Variants in ARHGAP6 observed in about 807,000 individuals in gnomAD.
The protein encoded by ARHGAP6 is Rho GTPase activating protein 6.
ARHGAP6 carries 16 observed loss-of-function variants against 55.7 expected under a neutral mutation model. The ratio of observed to expected loss-of-function variants is 0.29; its 90% CI spans 0.19 to 0.44. The LOEUF (loss-of-function observed/expected upper bound fraction) is 0.44. ARHGAP6 is among the 20% of genes least tolerant of loss of function. The probability of loss-of-function intolerance (pLI) is 1.00; values close to 1 mark genes in which losing one functional copy is unlikely to be tolerated. For synonymous variants in ARHGAP6, 382 were observed against 360.9 expected (o/e 1.06, Z -0.66); for missense variants, 698 against 808.9 (o/e 0.86, Z 1.66).
chrX:11,610,757 A>G (rs1283179655), intron 1 of ARHGAP6, among the ~76,000 whole-genome samples: 1 of 111,748 alleles, frequency 8.9e-6, no homozygotes, highest in Non-Finnish European at 1.9e-5. Flanking sequence ...ATCACACTTA[A>G]TTTTAGAATA....
intron 1 of ARHGAP6, among the ~76,000 whole-genome samples, chrX:11,305,432 T>C (rs1437158390): frequency 8.9e-6 from 1 of 112,286 alleles, no homozygotes; most frequent in East Asian, 2.8e-4. Context: ...AGAATAGTTA[T>C]TTGCTTCTTC....
chrX:11,325,369 C>T (rs1263972826), intron 1 of ARHGAP6, among the ~76,000 whole-genome samples: 1 of 111,981 alleles, frequency 8.9e-6, no homozygotes, highest in Non-Finnish European at 1.9e-5. Flanking sequence ...ATAAGCATAT[C>T]AAGTGGGTGC....
intron 1 of ARHGAP6, among the ~76,000 whole-genome samples, chrX:11,459,246 G>A (rs1569352504): frequency 1.8e-5 from 2 of 111,541 alleles, no homozygotes; most frequent in Non-Finnish European, 3.8e-5. Context: ...CAACTACATC[G>A]ATTCTCATAG....
intron 1 of ARHGAP6, among the ~76,000 whole-genome samples, chrX:11,592,370 ATCCTTC>A (rs1371836943): frequency 8.9e-6 from 1 of 112,041 alleles, no homozygotes; most frequent in Non-Finnish European, 1.9e-5. Flanking sequence ...CCTAAGGTTG[ATCCTTC>A]AAGAAAGAGA....
chrX:11,167,323 T>C (rs1602762115), intron 9 of ARHGAP6, among the ~76,000 whole-genome samples: 2 of 110,376 alleles, frequency 1.8e-5, no homozygotes, highest in African/African-American at 3.3e-5. Context: ...GGAAAGGAAA[T>C]AGGGAGTGAT....
At chrX:11,353,116 G>C (rs768730465) in intron 1 of ARHGAP6, among the ~76,000 whole-genome samples, 1 of 111,625 alleles carries the variant, frequency 9.0e-6, no homozygotes, top group South Asian at 3.8e-4. Context: ...CATCTGTGTT[G>C]GTTGTGAAAA....
At chrX:11,610,839 C>T (rs66988401) in intron 1 of ARHGAP6, among the ~76,000 whole-genome samples, 15,627 of 111,394 alleles carry the variant, frequency 0.14, 1,007 homozygotes, top group Middle Eastern at 0.23. Flanking sequence ...TCCAACCTCT[C>T]CCCAGGCCCT....
intron 3 of ARHGAP6, among the ~76,000 whole-genome samples, chrX:11,196,129 G>A (rs1213064119): frequency 1.1e-5 from 1 of 89,514 alleles, no homozygotes; most frequent in African/African-American, 5.0e-5. Flanking sequence ...GCGAGACTCT[G>A]TCTCAAAAAA....
intron 8 of ARHGAP6, among the ~76,000 whole-genome samples, chrX:11,170,204 T>A (rs1365328360): frequency 8.9e-6 from 1 of 111,878 alleles, no homozygotes; most frequent in Non-Finnish European, 1.9e-5. Context: ...AGGTAATGAG[T>A]ACAAAGTATA....
chrX:11,187,037 A>C (rs749802354), intron 4 of ARHGAP6, among the ~76,000 whole-genome samples: 32 of 110,986 alleles, frequency 2.9e-4, no homozygotes, highest in African/African-American at 6.6e-4. Context: ...CTTTCTGGGG[A>C]GCTCTAGGAG....
intron 1 of ARHGAP6, among the ~76,000 whole-genome samples, chrX:11,338,748 TTCCC>T (rs2048669524): frequency 8.9e-6 from 1 of 112,215 alleles, no homozygotes; most frequent in Admixed American, 9.4e-5. Context: ...TTGGTAAAAA[TTCCC>T]AATGCTGCCA....
chrX:11,484,213 G>A lies in ARHGAP6; in HGVS notation c.588+180028C>T, dbSNP rs954865440. Among the ~76,000 whole-genome samples the A allele has an allele frequency of 4.5e-5, 5 of 110,825 alleles. No homozygotes were observed. In the East Asian group the frequency reaches 1.4e-3, roughly 32 times the overall value. On this transcript the variant is annotated intron_variant, in intron 1 of 12. Coordinates refer to ENST00000337414, the MANE Select transcript of ARHGAP6 (RefSeq NM_013427.3). ...ACTGGCTTCCCTTGAAAAGACTTTG[G>A]CATCTGATGCAGCTTTGCCCTGGTA...
At chrX:11,439,656 T>C (rs1241185467) in intron 1 of ARHGAP6, among the ~76,000 whole-genome samples, 3 of 112,587 alleles carry the variant, frequency 2.7e-5, no homozygotes, top group African/African-American at 9.7e-5. Flanking sequence ...TTGTTTCATT[T>C]ATAGTCTGGA....
chrX:11,420,399 T>C (rs1445026391), intron 1 of ARHGAP6, among the ~76,000 whole-genome samples: 1 of 112,027 alleles, frequency 8.9e-6, no homozygotes, highest in Non-Finnish European at 1.9e-5. Context: ...TTGTAAACAG[T>C]GGTCTCAGTC....
At chrX:11,651,339 T>G (rs1311094646) in intron 1 of ARHGAP6, among the ~76,000 whole-genome samples, 1 of 111,606 alleles carries the variant, frequency 9.0e-6, no homozygotes, top group Non-Finnish European at 1.9e-5. Flanking sequence ...CTTCTTTGTG[T>G]CCATGAGTTC....
In ARHGAP6 at chrX:11,524,853, T is replaced by C. The variant is rs745452288; in HGVS notation, c.588+139388A>G. Among the ~76,000 whole-genome samples, 3 of 111,645 alleles carry C rather than the reference T, an allele frequency of 2.7e-5. No individual in the cohort carries two copies. In the Admixed American group the frequency reaches 2.9e-4, roughly 11 times the overall value. On this transcript the variant is annotated intron_variant, in intron 1 of 12. Transcript: ENST00000337414. ...TCAGTAGGAGCCCTGAGCTTGTAGATGGTCCCATCTGGGGATGATGGGAGA... is the reference window on the plus strand; with the variant it reads ...TCAGTAGGAGCCCTGAGCTTGTAGACGGTCCCATCTGGGGATGATGGGAGA...
chrX:11,178,302 G>T lies in ARHGAP6; in HGVS notation c.1481-54C>A. The T allele has an allele frequency of 3.6e-6, 4 of 1,123,715 alleles. No individual in the cohort carries two copies. The South Asian group carries it at 8.5e-5, about 24-fold the overall frequency. The allele number at this position is 1,123,715 out of a possible 1,213,427, so 92.6% of individuals were successfully genotyped here. A position where few individuals can be genotyped will look rare whatever the true frequency, so the allele number is the denominator to read the frequency against. On this transcript the variant is annotated intron_variant, in intron 7 of 12. Transcript: ENST00000337414. Reference sequence around the variant, plus strand: ...TAAAAGGGGAGCCCATACTATTCAGGCACAGAGGAAAGGCCTCCTCTCAAT... The same window carrying T: ...TAAAAGGGGAGCCCATACTATTCAGTCACAGAGGAAAGGCCTCCTCTCAAT...
rs147216992 is a variant in ARHGAP6, at chrX:11,650,183, T to G, written c.588+14058A>C. The stretch of plus-strand genomic sequence containing the variant: ...TTAATTTTTAAAATTCCTTTGTAGA[T>G]ATGGGGTCTCACTATGTTACCCAGG... On this transcript the variant is annotated intron_variant, in intron 1 of 12. Transcript: ENST00000337414. Among the ~76,000 whole-genome samples, 702 of 109,666 alleles carry G rather than the reference T, an allele frequency of 6.4e-3. 3 individuals carry two copies. Among genetic ancestry groups the G allele is most frequent in the African/African-American group, 0.022 (668 of 30,152 alleles).
Position 11,537,950 on chromosome X carries a change from TA to T in ARHGAP6, c.588+126290del, listed in dbSNP as rs761497504. ...TTTGACCTCAAGGAACTCCTGGGAATAAAAAAAAAAACCCAATAGTTCCTCA... is the reference window on the plus strand; with the variant it reads ...TTTGACCTCAAGGAACTCCTGGGAATAAAAAAAAAACCCAATAGTTCCTCA... On this transcript the variant is annotated intron_variant, in intron 1 of 12. Transcript: ENST00000337414. 7.7e-3 allele frequency among the ~76,000 whole-genome samples: 783 copies of T among 102,016 alleles called. 8 individuals are homozygous for T. The highest frequency in any genetic ancestry group is 0.025 in the African/African-American group (713 of 28,315). 88.6% of individuals were successfully genotyped at this position (102,016 alleles called of 115,157 possible).
Sources: gnomAD v4.1 joint callset for allele counts (sites outside exome capture counted in the v4.1 genomes callset) on GRCh38, gnomAD v4.1.1 for gene constraint, MANE v1.5 for transcripts, NCBI Gene and HGNC (gene_info 2026-07-23, HGNC 2026-07-21) for gene names.